Variants in ABCA13 observed in about 807,000 individuals in gnomAD.
ABCA13 encodes ATP binding cassette subfamily A member 13, also known as ATP-binding cassette sub-family A member 13.
ABCA13 carries 476 observed loss-of-function variants against 478.7 expected under a neutral mutation model. The observed-to-expected ratio is 0.99, with a 90% CI of 0.92 to 1.07. The LOEUF (loss-of-function observed/expected upper bound fraction) is 1.07. ABCA13 is among the 50% of genes least tolerant of loss of function. The pLI is 0.00. For synonymous variants in ABCA13, 2,252 were observed against 2,158.9 expected, an observed-to-expected ratio of 1.04 and a Z score of -1.20; for missense variants, 6,060 against 5,910.6, an observed-to-expected ratio of 1.03 and a Z score of -0.83.
At chr7:48,591,932 T>G (rs904086681) in intron 57 of ABCA13, among the ~76,000 whole-genome samples, 1 of 151,958 alleles carries the variant, frequency 6.6e-6, no homozygotes, top group African/African-American at 2.4e-5. Flanking sequence ...ACTTCTTTTT[T>G]GATTTGGATG....
chr7:48,586,854 A>T (rs895925393), intron 56 of ABCA13, among the ~76,000 whole-genome samples: 1 of 151,874 alleles, frequency 6.6e-6, no homozygotes, highest in Non-Finnish European at 1.5e-5. Context: ...TCACCTCAAC[A>T]TGCTTATTTA....
intron 47 of ABCA13, among the ~76,000 whole-genome samples, chr7:48,485,888 A>G (rs916023926): frequency 2.6e-5 from 4 of 151,986 alleles, no homozygotes; most frequent in African/African-American, 9.7e-5. Context: ...CCTTAACTCT[A>G]CTCTGCCAGG....
intron 56 of ABCA13, among the ~76,000 whole-genome samples, chr7:48,582,185 A>G (rs865777401): frequency 6.6e-6 from 1 of 152,210 alleles, no homozygotes; most frequent in African/African-American, 2.4e-5. Flanking sequence ...AGTATTTGGC[A>G]AGGTTTTACT....
At position 48,489,229 on chromosome 7, in the gene ABCA13, T is replaced by C. The variant is rs760672147; in HGVS notation, c.13183-7T>C. ...TGAGAGCCATTAAATTATCTTTCTT[T>C]TTTTAGGTGTGGTATAATCAGAAGG... On this transcript the variant is annotated splice_polypyrimidine_tract_variant and splice_region_variant and intron_variant, in intron 47 of 61. Transcript: ENST00000435803. 4 of 1,596,664 alleles carry C rather than the reference T, an allele frequency of 2.5e-6. No homozygotes were observed. The highest frequency in any genetic ancestry group is 3.4e-6 in the Non-Finnish European group (4 of 1,167,568).
chr7:48,252,111 T>C (rs912618215), intron 15 of ABCA13, among the ~76,000 whole-genome samples: 1 of 152,144 alleles, frequency 6.6e-6, no homozygotes, highest in African/African-American at 2.4e-5. Context: ...TTAAATACAC[T>C]CTCTGCCCCT....
chr7:48,410,977 C>CTCCTTTCTT (rs1818944580), intron 40 of ABCA13, among the ~76,000 whole-genome samples: 1 of 104,642 alleles, frequency 9.6e-6, no homozygotes, highest in East Asian at 3.0e-4. Context: ...AAATTCTTTT[C>CTCCTTTCTT]TCTTTCTTTC....
chr7:48,459,202 A>C lies in ABCA13; in HGVS notation c.12815+3916A>C, dbSNP rs181808576. On this transcript the variant is annotated intron_variant, in intron 43 of 61. Coordinates refer to ENST00000435803, the MANE Select transcript of ABCA13 (RefSeq NM_152701.5). Reference sequence around the variant, plus strand: ...TGCATCTCTGAGAGATATAGTGTGAACACAGCTGCACCTGCTTGCAGACAT... The same window carrying C: ...TGCATCTCTGAGAGATATAGTGTGACCACAGCTGCACCTGCTTGCAGACAT... Among the ~76,000 whole-genome samples, 205 of 152,200 alleles carry C rather than the reference A, an allele frequency of 1.3e-3. 3 individuals carry two copies. Among genetic ancestry groups the C allele is most frequent in the South Asian group, 4.1e-4 (2 of 4,824 alleles).
intron 50 of ABCA13, among the ~76,000 whole-genome samples, chr7:48,508,447 T>C (rs900416475): frequency 6.6e-6 from 1 of 152,156 alleles, no homozygotes; most frequent in African/African-American, 2.4e-5. Context: ...CATTGCCTAA[T>C]AGGTATGGCG....
In ABCA13 at chr7:48,273,286, G is replaced by A. The variant is rs751197042; in HGVS notation, c.3620G>A (p.Arg1207Lys). 2 of 1,613,496 alleles carry A rather than the reference G, an allele frequency of 1.2e-6. No homozygotes were observed. Among genetic ancestry groups the A allele is most frequent in the Admixed American group, 3.3e-5 (2 of 59,952 alleles). ...ATACTTCCCACCCATAATGTTGCTA[G>A]ACTCATATTAAATTTGTTTAAAAAT... The part of the protein sequence containing the change: ...QGILPTHNVA[R>K]LILNLFKNVT... Residue 1207 changes from arginine to lysine, a missense_variant, in exon 17 of 62, where the codon AGA becomes AAA. Physicochemically the swap from Arg to Lys is conservative, Grantham distance 26. Transcript: ENST00000435803.
intron 42 of ABCA13, among the ~76,000 whole-genome samples, chr7:48,454,679 T>C (rs184731697): frequency 1.1e-4 from 17 of 152,236 alleles, no homozygotes; most frequent in Admixed American, 5.9e-4. Context: ...GCTGGGGTTT[T>C]CCCAGGAGAG....
At chr7:48,437,871 C>T (rs545934578) in intron 42 of ABCA13, among the ~76,000 whole-genome samples, 1 of 152,160 alleles carries the variant, frequency 6.6e-6, no homozygotes, top group East Asian at 1.9e-4. Context: ...GCTTTTGCCT[C>T]TTTCTTCTGA....
chr7:48,243,024 G>A (rs929110496), intron 10 of ABCA13: 2 of 152,202 alleles, frequency 1.3e-5, no homozygotes, highest in African/African-American at 4.8e-5. Flanking sequence ...CTGCAGTACG[G>A]GTGGCTGAGG....
intron 23 of ABCA13, among the ~76,000 whole-genome samples, chr7:48,300,100 T>C (rs1483999581): frequency 1.3e-5 from 2 of 152,264 alleles, no homozygotes; most frequent in South Asian, 4.1e-4. Context: ...CTTTGGATAC[T>C]TGTTTTTTCT....
intron 23 of ABCA13, 66 bp downstream of exon 23, chr7:48,298,553 A>G: frequency 6.4e-7 from 1 of 1,554,322 alleles, no homozygotes; most frequent in Non-Finnish European, 8.7e-7. Flanking sequence ...AGTCACTGGC[A>G]CTGTGTTGTC....
intron 29 of ABCA13, among the ~76,000 whole-genome samples, chr7:48,346,796 T>C (rs573269213): frequency 1.1e-3 from 169 of 152,336 alleles, no homozygotes; most frequent in African/African-American, 3.8e-3. Context: ...AACTATCTAA[T>C]GTGAAACAAG....
rs1824431674 is a variant in ABCA13 at position 48,447,365 on chromosome 7, C to G, written c.12566-7672C>G. ...TCCTTCAATTCCATCTTCCTCCCTA[C>G]TCCCATAATCCATTTCTTTCTCCCT... On this transcript the variant is annotated intron_variant, in intron 42 of 61. Coordinates refer to ENST00000435803, the MANE Select transcript of ABCA13 (RefSeq NM_152701.5). Among the ~76,000 whole-genome samples, 3 of 152,324 alleles carry G rather than the reference C, an allele frequency of 2.0e-5. No homozygotes were observed. The South Asian group carries it at 6.2e-4, about 32-fold the overall frequency.
At chr7:48,368,758 T>C (rs914455188) in intron 32 of ABCA13, among the ~76,000 whole-genome samples, 3 of 130,810 alleles carry the variant, frequency 2.3e-5, no homozygotes, top group Non-Finnish European at 4.9e-5. Context: ...TATATATATA[T>C]ATACACACAT....
chr7:48,481,765 C>T (rs535932257), intron 46 of ABCA13, among the ~76,000 whole-genome samples: 1 of 152,058 alleles, frequency 6.6e-6, no homozygotes, highest in Admixed American at 6.5e-5. Flanking sequence ...GCCTCAGGCT[C>T]CCAAAGTGCT....
intron 6 of ABCA13, among the ~76,000 whole-genome samples, chr7:48,228,415 A>G (rs990664342): frequency 1.3e-5 from 2 of 152,156 alleles, no homozygotes; most frequent in Admixed American, 6.5e-5. Flanking sequence ...GGCAAGTCTT[A>G]ACACTGGACT....
Sources: allele counts gnomAD v4.1 joint callset (sites outside exome capture counted in the v4.1 genomes callset), GRCh38; gene constraint gnomAD v4.1.1; transcripts MANE v1.5; gene names NCBI Gene and HGNC (gene_info 2026-07-23, HGNC 2026-07-21).